Variants in ALDH1A2 observed in about 807,000 individuals in gnomAD.
ALDH1A2 encodes the protein retinal dehydrogenase 2.
A neutral mutation model predicts 60.3 loss-of-function variants in ALDH1A2; 27 were observed. The observed-to-expected ratio is 0.45, with a 90% CI of 0.33 to 0.62. ALDH1A2 has a LOEUF of 0.62. ALDH1A2 is among the 20% of genes least tolerant of loss of function. ALDH1A2 has a pLI of 0.02. For missense variants in ALDH1A2, 581 were observed against 643.8 expected, an observed-to-expected ratio of 0.90 and a Z score of 1.06; for synonymous variants, 289 against 232.4, an observed-to-expected ratio of 1.24 and a Z score of -2.21.
chr15:58,007,777 T>C (rs1895506310), intron 4 of ALDH1A2, among the ~76,000 whole-genome samples: 1 of 148,456 alleles, frequency 6.7e-6, no homozygotes, highest in Admixed American at 6.9e-5. Context: ...ACGGACTTTC[T>C]ATATTCCAGA....
intron 12 of ALDH1A2, among the ~76,000 whole-genome samples, chr15:57,956,780 A>G (rs1363837960): frequency 2.0e-5 from 3 of 152,206 alleles, no homozygotes; most frequent in South Asian, 4.2e-4. Flanking sequence ...TCCCATTTGA[A>G]GTGAATTTAC....
At chr15:58,000,248 C>T (rs927855690) in intron 4 of ALDH1A2, among the ~76,000 whole-genome samples, 2 of 151,858 alleles carry the variant, frequency 1.3e-5, no homozygotes, top group African/African-American at 4.8e-5. Context: ...TGCATTTTCA[C>T]GTGGATGGTG....
chr15:58,037,831 A>G (rs1896415263), intron 1 of ALDH1A2, among the ~76,000 whole-genome samples: 1 of 151,804 alleles, frequency 6.6e-6, no homozygotes, highest in Admixed American at 6.6e-5. Flanking sequence ...CCTGGCAACC[A>G]GCAGTCTTTG....
At chr15:58,038,661 C>T (rs1457034535) in intron 1 of ALDH1A2, 3 of 151,718 alleles carry the variant, frequency 2.0e-5, no homozygotes, top group Admixed American at 6.6e-5. Context: ...GACATTAAAG[C>T]CAAATACACA....
At chr15:57,975,436 A>G (rs1405481311) in intron 7 of ALDH1A2, among the ~76,000 whole-genome samples, 1 of 152,188 alleles carries the variant, frequency 6.6e-6, no homozygotes, top group African/African-American at 2.4e-5. Flanking sequence ...AGTGTTTTGG[A>G]TTTGGGATAT....
intron 7 of ALDH1A2, among the ~76,000 whole-genome samples, chr15:57,983,825 G>C (rs573044949): frequency 4.1e-4 from 63 of 152,146 alleles, no homozygotes; most frequent in African/African-American, 1.5e-3. Flanking sequence ...ATCTATAAGT[G>C]CTTGATAAAT....
intron 7 of ALDH1A2, chr15:57,979,959 G>A: frequency 5.6e-6 from 2 of 355,284 alleles, no homozygotes; most frequent in South Asian, 5.6e-5. Context: ...TGTCACAGAT[G>A]TGCTGCCGCG....
At chr15:57,982,148 TAACA>T (rs1280853509) in intron 7 of ALDH1A2, among the ~76,000 whole-genome samples, 5 of 152,132 alleles carry the variant, frequency 3.3e-5, no homozygotes, top group African/African-American at 1.2e-4. Context: ...GTAGATTAAA[TAACA>T]AACACACTCT....
chr15:58,053,009 G>A (rs1896812323), intron 1 of ALDH1A2, among the ~76,000 whole-genome samples: 1 of 152,090 alleles, frequency 6.6e-6, no homozygotes, highest in Admixed American at 6.5e-5. Context: ...TTATTGTCTA[G>A]GATGTATTCA....
chr15:57,956,712 C>T (rs937405855), intron 12 of ALDH1A2, among the ~76,000 whole-genome samples: 2 of 152,210 alleles, frequency 1.3e-5, no homozygotes, highest in Admixed American at 6.5e-5. Flanking sequence ...TCTCTCTGGT[C>T]ATTTTCCTGT....
At chr15:57,985,472 A>AACAGGTATGTATGCTATTATTAAACC (rs1894665979) in intron 7 of ALDH1A2, among the ~76,000 whole-genome samples, 1 of 152,214 alleles carries the variant, frequency 6.6e-6, no homozygotes, top group Non-Finnish European at 1.5e-5. Context: ...GACCCTGAGA[A>AACAGGTATGTATGCTATTATTAAACC]ACAGGTATGT....
At chr15:58,012,611 C>T (rs913182103) in intron 3 of ALDH1A2, among the ~76,000 whole-genome samples, 4 of 152,030 alleles carry the variant, frequency 2.6e-5, no homozygotes, top group African/African-American at 9.7e-5. Context: ...GAATAAACAC[C>T]TCATTGGAAG....
chr15:57,996,297 GCC>G (rs1895057117), intron 4 of ALDH1A2, among the ~76,000 whole-genome samples: 1 of 148,010 alleles, frequency 6.8e-6, no homozygotes, highest in Admixed American at 6.8e-5. Flanking sequence ...TAAAGTCTTG[GCC>G]TCTCTCTCTC....
intron 1 of ALDH1A2, among the ~76,000 whole-genome samples, chr15:58,027,355 A>C (rs1219387375): frequency 2.0e-5 from 3 of 152,144 alleles, no homozygotes; most frequent in African/African-American, 7.2e-5. Flanking sequence ...AACATCAACA[A>C]AAACGACATC....
chr15:58,054,447 A>G (rs1896847684), intron 1 of ALDH1A2, among the ~76,000 whole-genome samples: 1 of 152,122 alleles, frequency 6.6e-6, no homozygotes, highest in African/African-American at 2.4e-5. Context: ...GCTGAAACTC[A>G]AAGTTTGAGT....
intron 5 of ALDH1A2, among the ~76,000 whole-genome samples, chr15:57,994,034 A>G (rs1894976162): frequency 6.6e-6 from 1 of 152,188 alleles, no homozygotes; most frequent in Non-Finnish European, 1.5e-5. Context: ...TATAAATCTT[A>G]AAGTGCAGTA....
intron 1 of ALDH1A2, among the ~76,000 whole-genome samples, chr15:58,035,216 A>G (rs1459143984): frequency 6.6e-6 from 1 of 151,652 alleles, no homozygotes; most frequent in African/African-American, 2.4e-5. Context: ...TTTCACCTAA[A>G]TTATCAAATT....
At chr15:58,057,277 G>C (rs1896919586) in intron 1 of ALDH1A2, among the ~76,000 whole-genome samples, 1 of 151,884 alleles carries the variant, frequency 6.6e-6, no homozygotes, top group African/African-American at 2.4e-5. Flanking sequence ...GATGAATACT[G>C]AACATATGTT....
At chr15:57,993,699 G>A (rs1894966416) in intron 5 of ALDH1A2, among the ~76,000 whole-genome samples, 1 of 152,072 alleles carries the variant, frequency 6.6e-6, no homozygotes, top group African/African-American at 2.4e-5. Context: ...ATGAGGTTGG[G>A]GTCTAAAATG....
Sources: gnomAD v4.1 joint callset for allele counts (sites outside exome capture counted in the v4.1 genomes callset) on GRCh38, gnomAD v4.1.1 for gene constraint, MANE v1.5 for transcripts, NCBI Gene and HGNC (gene_info 2026-07-23, HGNC 2026-07-21) for gene names.